Variants in UBE2G1 observed in about 807,000 individuals in gnomAD.
UBE2G1 encodes ubiquitin conjugating enzyme E2 G1.
A neutral mutation model predicts 22.7 loss-of-function variants in UBE2G1; 5 were observed. That is an observed-to-expected ratio of 0.22 (90% CI 0.12 to 0.46). The LOEUF (loss-of-function observed/expected upper bound fraction) is 0.46. Ranked by LOEUF, UBE2G1 falls within the 20% of genes least tolerant of loss-of-function variation. The probability of loss-of-function intolerance (pLI) is 0.99; values close to 1 mark genes in which losing one functional copy is unlikely to be tolerated. For synonymous variants in UBE2G1, 74 were observed against 67.5 expected, an observed-to-expected ratio of 1.10 and a Z score of -0.47; for missense variants, 88 against 203.9, an observed-to-expected ratio of 0.43 and a Z score of 3.46.
At position 4,347,751 on chromosome 17, in the gene UBE2G1, A is replaced by C. The variant is rs1474714359; in HGVS notation, c.46+18520T>G. Among the ~76,000 whole-genome samples, 8 of 152,172 alleles carry C rather than the reference A, an allele frequency of 5.3e-5. No individual in the cohort carries two copies. In the Middle Eastern group the frequency reaches 0.01, roughly 194 times the overall value. Reference sequence around the variant, plus strand: ...CTCAGCCTCCCAAAGTGACAGGATAAAGGCGTGAGCCACCGCGCCTGGCCA... The same window carrying C: ...CTCAGCCTCCCAAAGTGACAGGATACAGGCGTGAGCCACCGCGCCTGGCCA... On this transcript the variant is annotated intron_variant, in intron 1 of 5. Transcript: ENST00000396981.
At chr17:4,307,191 G>A in intron 1 of UBE2G1, 68 bp from the exon 2 acceptor site, 1 of 1,290,160 alleles carries the variant, frequency 7.8e-7, no homozygotes, top group East Asian at 2.3e-5. Flanking sequence ...ATAAATTACA[G>A]AACTTGAGCG....
chr17:4,347,013 C>G (rs1382620444), intron 1 of UBE2G1, among the ~76,000 whole-genome samples: 3 of 151,864 alleles, frequency 2.0e-5, no homozygotes, highest in Non-Finnish European at 4.4e-5. Flanking sequence ...ATTAGCCGGG[C>G]ATGGTGGTGT....
chr17:4,311,054 A>T (rs1448626881), intron 1 of UBE2G1, among the ~76,000 whole-genome samples: 1 of 151,966 alleles, frequency 6.6e-6, no homozygotes, highest in East Asian at 1.9e-4. Flanking sequence ...CTACCAAAAA[A>T]AAGAAACAAA....
rs112071534 is a variant in UBE2G1 at position 4,281,921 on chromosome 17, T to C, written c.*37+877A>G. 1.3e-3 allele frequency among the ~76,000 whole-genome samples: 192 copies of C among 152,260 alleles called. 2 individuals carry two copies. Among genetic ancestry groups the C allele is most frequent in the African/African-American group, 4.4e-3 (182 of 41,540 alleles). ...AACCCACATGTGAGCAATTAATCTA[T>C]ATTATTTCCTCTTCTAAGGTGGATG... On this transcript the variant is annotated intron_variant, in intron 5 of 5. Transcript: ENST00000396981.
intron 2 of UBE2G1, among the ~76,000 whole-genome samples, chr17:4,303,393 A>T (rs892605284): frequency 7.3e-5 from 11 of 151,176 alleles, no homozygotes; most frequent in Non-Finnish European, 8.9e-5. Context: ...GGAAAAAATA[A>T]TTTTTTTTTT....
intron 5 of UBE2G1, among the ~76,000 whole-genome samples, chr17:4,279,125 A>G (rs1968853093): frequency 6.6e-6 from 1 of 152,010 alleles, no homozygotes. Flanking sequence ...AAAATACAAA[A>G]TAAGCCAGGA....
intron 1 of UBE2G1, among the ~76,000 whole-genome samples, chr17:4,349,638 T>C (rs1298541447): frequency 6.6e-6 from 1 of 151,934 alleles, no homozygotes; most frequent in African/African-American, 2.4e-5. Context: ...GGTCAGGAGA[T>C]TGAGACCATC....
At chr17:4,302,038 AAC>A (rs1482974341) in intron 2 of UBE2G1, 44 of 474,626 alleles carry the variant, frequency 9.3e-5, no homozygotes, top group Middle Eastern at 3.6e-4. Flanking sequence ...GAACAACAAC[AAC>A]AAAAAAAGGG....
At chr17:4,332,900 C>A (rs967493571) in intron 1 of UBE2G1, among the ~76,000 whole-genome samples, 1 of 152,150 alleles carries the variant, frequency 6.6e-6, no homozygotes, top group Admixed American at 6.5e-5. Flanking sequence ...TTTCCCTGTT[C>A]TAGTTTCCAC....
At chr17:4,275,781 C>T (rs903761571) in intron 5 of UBE2G1, among the ~76,000 whole-genome samples, 1 of 152,172 alleles carries the variant, frequency 6.6e-6, no homozygotes, top group African/African-American at 2.4e-5. Flanking sequence ...CATTACCCTT[C>T]ACAAAAAAAT....
intron 1 of UBE2G1, among the ~76,000 whole-genome samples, chr17:4,330,759 T>C (rs1969565267): frequency 6.6e-6 from 1 of 151,368 alleles, no homozygotes; most frequent in South Asian, 2.1e-4. Context: ...ATATATTTTA[T>C]TTATTTATTT....
At position 4,350,543 on chromosome 17, in the gene UBE2G1, A is replaced by G. The variant is rs547279745; in HGVS notation, c.46+15728T>C. Among the ~76,000 whole-genome samples the G allele has an allele frequency of 3.4e-4, 52 of 152,284 alleles. No individual in the cohort carries two copies. In the South Asian group the frequency reaches 1.0e-2, roughly 29 times the overall value. The stretch of plus-strand genomic sequence containing the variant: ...TCAAAATAAATAATAAAGAATTCAG[A>G]GAACATCTGGCTCTGAACAGTGTCA... On this transcript the variant is annotated intron_variant, in intron 1 of 5. Coordinates refer to ENST00000396981, the MANE Select transcript of UBE2G1 (RefSeq NM_003342.5).
intron 2 of UBE2G1, chr17:4,301,612 G>T: frequency 3.9e-6 from 4 of 1,024,928 alleles, no homozygotes; most frequent in Non-Finnish European, 6.2e-6. Flanking sequence ...CGAGTATTTG[G>T]AATATGATGG....
chr17:4,304,407 C>T (rs1289139040), intron 2 of UBE2G1, among the ~76,000 whole-genome samples: 1 of 152,104 alleles, frequency 6.6e-6, no homozygotes, highest in Non-Finnish European at 1.5e-5. Flanking sequence ...GTTGGTATAC[C>T]ACACCAGTTT....
At chr17:4,322,176 A>G (rs1418711289) in intron 1 of UBE2G1, among the ~76,000 whole-genome samples, 3 of 152,248 alleles carry the variant, frequency 2.0e-5, no homozygotes, top group African/African-American at 7.2e-5. Flanking sequence ...TCTACTCACA[A>G]ACACATATTA....
chr17:4,287,102 ATT>A (rs60149939), intron 4 of UBE2G1, among the ~76,000 whole-genome samples: 78,338 of 136,460 alleles, frequency 0.57, 23,892 homozygotes, highest in East Asian at 0.8. Context: ...GTCAGCTCTG[ATT>A]TTTTTTTTTT....
intron 1 of UBE2G1, among the ~76,000 whole-genome samples, chr17:4,365,738 T>C (rs1283215598): frequency 6.6e-6 from 1 of 152,122 alleles, no homozygotes; most frequent in Non-Finnish European, 1.5e-5. Flanking sequence ...GCCAGCGCTT[T>C]TGTTGTCGGC....
At position 4,315,753 on chromosome 17, in the gene UBE2G1, A is replaced by C. The variant is rs559439519; in HGVS notation, c.47-8630T>G. ...AGACTCCATCTCAAAAAAACAAAAA[A>C]CAAAAAACAAAAACAAACAAACAAA... On this transcript the variant is annotated intron_variant, in intron 1 of 5. Transcript: ENST00000396981. 6.4e-3 allele frequency among the ~76,000 whole-genome samples: 845 copies of C among 132,206 alleles called. 4 individuals are homozygous for C. The highest frequency in any genetic ancestry group is 9.4e-3 in the Non-Finnish European group (635 of 67,336). 86.7% of individuals were successfully genotyped at this position (132,206 alleles called of 152,430 possible). A position where few individuals can be genotyped will look rare whatever the true frequency, so the allele number is the denominator to read the frequency against.
At chr17:4,353,419 G>T (rs571735301) in intron 1 of UBE2G1, among the ~76,000 whole-genome samples, 1 of 149,486 alleles carries the variant, frequency 6.7e-6, no homozygotes. Flanking sequence ...GTCGATCAAC[G>T]AAACCCCATA....
Sources: allele counts gnomAD v4.1 joint callset (sites outside exome capture counted in the v4.1 genomes callset), GRCh38; gene constraint gnomAD v4.1.1; transcripts MANE v1.5; gene names NCBI Gene and HGNC (gene_info 2026-07-23, HGNC 2026-07-21).